Variants in RPTOR observed in about 807,000 individuals in gnomAD.
The protein encoded by RPTOR is regulatory associated protein of MTOR complex 1.
RPTOR carries 21 observed loss-of-function variants against 169.9 expected under a neutral mutation model. That is an observed-to-expected ratio of 0.12 (90% CI 0.09 to 0.18). The LOEUF is 0.18. Ranked by LOEUF, RPTOR falls within the 10% of genes least tolerant of loss-of-function variation. The pLI, the probability that RPTOR is intolerant of heterozygous loss-of-function variation, is 1.00. For synonymous variants in RPTOR, 732 were observed against 753.2 expected (o/e 0.97, Z 0.46); for missense variants, 1,133 against 1,855.9 (o/e 0.61, Z 7.16).
At chr17:80,793,822 C>A (rs1355387907) in intron 7 of RPTOR, among the ~76,000 whole-genome samples, 1 of 152,264 alleles carries the variant, frequency 6.6e-6, no homozygotes, top group East Asian at 1.9e-4. Context: ...GTTATTGAGT[C>A]AAACTACCTT....
chr17:80,620,227 A>G (rs559840416), intron 1 of RPTOR, among the ~76,000 whole-genome samples: 1 of 152,288 alleles, frequency 6.6e-6, no homozygotes, highest in East Asian at 1.9e-4. Flanking sequence ...TTCAAAATTA[A>G]CCTATGGGGA....
intron 9 of RPTOR, among the ~76,000 whole-genome samples, chr17:80,834,951 C>A (rs1053919675): frequency 6.6e-6 from 1 of 152,170 alleles, no homozygotes; most frequent in Non-Finnish European, 1.5e-5. Context: ...TGATTAAATT[C>A]GAGGAATCTT....
Position 80,609,281 on chromosome 17 carries a change from A to G in RPTOR, c.163-16410A>G, listed in dbSNP as rs184304795. On this transcript the variant is annotated intron_variant, in intron 1 of 33. Transcript: ENST00000306801. The surrounding 1 kb of genome is among the most constrained non-coding windows in gnomAD (Gnocchi z 4.8). ...GTCGGAAGAGGCATTTGGAAATGAC[A>G]CGCTCTGTCCAGGAACTGCAGTAAA... Among the ~76,000 whole-genome samples the G allele has an allele frequency of 3.3e-5, 5 of 152,294 alleles. No individual in the cohort carries two copies. In the East Asian group the frequency reaches 9.7e-4, roughly 29 times the overall value.
At chr17:80,855,367 G>T (rs1478284361) in intron 11 of RPTOR, 97 bp from the exon 12 acceptor site, 1 of 871,750 alleles carries the variant, frequency 1.1e-6, no homozygotes, top group Non-Finnish European at 1.9e-6. Flanking sequence ...CTGAACTGTG[G>T]TCAGACCGCT....
chr17:80,714,447 T>C (rs533285427), intron 4 of RPTOR, among the ~76,000 whole-genome samples: 1 of 152,332 alleles, frequency 6.6e-6, no homozygotes, highest in East Asian at 1.9e-4. Context: ...GCCATAAAGA[T>C]GTCTCAATAA....
chr17:80,568,263 G>C (rs1294611008), intron 1 of RPTOR, among the ~76,000 whole-genome samples: 1 of 152,138 alleles, frequency 6.6e-6, no homozygotes, highest in Non-Finnish European at 1.5e-5. Context: ...CTTGAATCTG[G>C]TATATTTTCC....
At chr17:80,581,719 C>T (rs957207562) in intron 1 of RPTOR, among the ~76,000 whole-genome samples, 4 of 152,136 alleles carry the variant, frequency 2.6e-5, no homozygotes, top group Non-Finnish European at 4.4e-5. Context: ...GGAGACTGCA[C>T]ATTGGGCCAG....
At chr17:80,951,216 C>T (rs958776082) in intron 28 of RPTOR, among the ~76,000 whole-genome samples, 2 of 144,362 alleles carry the variant, frequency 1.4e-5, no homozygotes, top group South Asian at 2.1e-4. Context: ...GTCCCTGACA[C>T]CCCCAGAAGC....
intron 10 of RPTOR, among the ~76,000 whole-genome samples, chr17:80,843,200 A>G (rs899818523): frequency 2.6e-5 from 4 of 152,144 alleles, no homozygotes; most frequent in African/African-American, 9.7e-5. Flanking sequence ...CACCACCTCT[A>G]TAATATTGAG....
chr17:80,743,908 C>G lies in RPTOR; in HGVS notation c.655-10102C>G, dbSNP rs867439704. ...ACTAGCACTGTCCTGGTTACGAGCACAGCCCTGGTTACTAGCAGAGCCCTG... is the reference window on the plus strand; with the variant it reads ...ACTAGCACTGTCCTGGTTACGAGCAGAGCCCTGGTTACTAGCAGAGCCCTG... On this transcript the variant is annotated intron_variant, in intron 5 of 33. Transcript: ENST00000306801. 2.7e-4 allele frequency among the ~76,000 whole-genome samples: 22 copies of G among 81,990 alleles called. 4 individuals carry two copies. The highest frequency in any genetic ancestry group is 3.7e-4 in the African/African-American group (6 of 16,126). 53.8% of individuals were successfully genotyped at this position (81,990 alleles called of 152,430 possible).
At chr17:80,961,826 T>G in intron 31 of RPTOR, 1 of 283,260 alleles carries the variant, frequency 3.5e-6, no homozygotes, top group East Asian at 6.7e-5. Context: ...GGCAGTTGTC[T>G]GCACATAAAT....
intron 1 of RPTOR, among the ~76,000 whole-genome samples, chr17:80,567,514 G>A (rs1238318427): frequency 2.6e-5 from 4 of 151,948 alleles, no homozygotes; most frequent in African/African-American, 7.2e-5. Flanking sequence ...AGGTCTGGCC[G>A]GGCGCGGTGG....
chr17:80,698,047 C>T (rs892096020), intron 3 of RPTOR, among the ~76,000 whole-genome samples: 2 of 152,188 alleles, frequency 1.3e-5, no homozygotes, highest in African/African-American at 2.4e-5. Flanking sequence ...GTGGGGCCAG[C>T]GAGTAGACAA....
intron 2 of RPTOR, among the ~76,000 whole-genome samples, chr17:80,642,683 C>T (rs1017496603): frequency 6.6e-6 from 1 of 152,296 alleles, no homozygotes; most frequent in East Asian, 1.9e-4. Context: ...GATACTACAT[C>T]TCATATAATC....
chr17:80,788,639 T>G (rs1476450585), intron 6 of RPTOR, among the ~76,000 whole-genome samples: 2 of 152,176 alleles, frequency 1.3e-5, no homozygotes, highest in African/African-American at 4.8e-5. Flanking sequence ...CATTGTCTTT[T>G]TAATATTCTT....
At chr17:80,714,755 G>A (rs1227037146) in intron 4 of RPTOR, among the ~76,000 whole-genome samples, 2 of 151,968 alleles carry the variant, frequency 1.3e-5, no homozygotes, top group Non-Finnish European at 2.9e-5. Flanking sequence ...GGAGTCTCTC[G>A]CTCTGTCGCC....
At chr17:80,773,953 T>C in intron 6 of RPTOR, 1 of 985,456 alleles carries the variant, frequency 1.0e-6, no homozygotes. Flanking sequence ...CTGGGGGCTA[T>C]GGTGCTGAAT....
At chr17:80,831,038 G>T (rs940068430) in intron 9 of RPTOR, among the ~76,000 whole-genome samples, 11 of 152,112 alleles carry the variant, frequency 7.2e-5, no homozygotes, top group Non-Finnish European at 1.6e-4. Context: ...GTGCCACCGC[G>T]CCCAATAGGG....
chr17:80,793,664 G>A lies in RPTOR; in HGVS notation c.890+2155G>A, dbSNP rs565652109. Among the ~76,000 whole-genome samples, 29 of 152,084 alleles carry A rather than the reference G, an allele frequency of 1.9e-4. 1 individual carries two copies. The highest frequency in any genetic ancestry group is 6.3e-4 in the African/African-American group (26 of 41,450). ...GTGGCTACTCCGGACAGAGCCCCCCGGTCACCTGTGTCTGTGGCTACTCCG... is the reference window on the plus strand; with the variant it reads ...GTGGCTACTCCGGACAGAGCCCCCCAGTCACCTGTGTCTGTGGCTACTCCG... On this transcript the variant is annotated intron_variant, in intron 7 of 33. Transcript: ENST00000306801.
Sources: allele counts gnomAD v4.1 joint callset (sites outside exome capture counted in the v4.1 genomes callset), GRCh38; gene constraint gnomAD v4.1.1; non-coding constraint Gnocchi (gnomAD v3.1); transcripts MANE v1.5; gene names NCBI Gene and HGNC (gene_info 2026-07-23, HGNC 2026-07-21).